Variants in LAMA1 observed in about 807,000 individuals in gnomAD.
The protein encoded by LAMA1 is laminin subunit alpha-1.
Under a neutral mutation model 348.7 loss-of-function variants are expected in LAMA1, and 219 were observed. The observed-to-expected ratio is 0.63, with a 90% CI of 0.56 to 0.70. The LOEUF (loss-of-function observed/expected upper bound fraction) is 0.70, where lower values mean the gene tolerates loss of function less well. LAMA1 is among the 30% of genes least tolerant of loss of function. LAMA1 has a pLI of 0.00. For synonymous variants in LAMA1, 1,487 were observed against 1,491.0 expected, an observed-to-expected ratio of 1.00 and a Z score of 0.06; for missense variants, 3,744 against 3,888.0, an observed-to-expected ratio of 0.96 and a Z score of 0.99.
chr18:7,079,168 T>C (rs1283620700), intron 3 of LAMA1, among the ~76,000 whole-genome samples: 3 of 152,308 alleles, frequency 2.0e-5, no homozygotes, highest in African/African-American at 7.2e-5. Flanking sequence ...TTATGAGTTC[T>C]AACACAAGAG....
intron 23 of LAMA1, among the ~76,000 whole-genome samples, chr18:7,012,566 C>T (rs2057866348): frequency 6.7e-6 from 1 of 149,826 alleles, no homozygotes; most frequent in Admixed American, 6.6e-5. Flanking sequence ...AGTGCAGTGG[C>T]ACAATCTTGG....
chr18:6,978,972 GA>G (rs2057696023), intron 42 of LAMA1, among the ~76,000 whole-genome samples: 1 of 152,178 alleles, frequency 6.6e-6, no homozygotes, highest in Non-Finnish European at 1.5e-5. Context: ...AGTTATTCTA[GA>G]AAATCTGGGT....
chr18:7,016,461 A>G lies in LAMA1; in HGVS notation c.2989+30T>C, dbSNP rs749987844. The G allele has an allele frequency of 4.3e-6, 7 of 1,613,936 alleles. No homozygotes were observed. In the South Asian group the frequency reaches 7.7e-5, roughly 18 times the overall value. On this transcript the variant is annotated intron_variant, in intron 21 of 62. Coordinates refer to ENST00000389658, the MANE Select transcript of LAMA1 (RefSeq NM_005559.4). ...CAAGGAAAGCTCTGGGAATGACTAC[A>G]AAGTCTCAAACAAGGAAATCAAGGC...
Position 6,977,603 on chromosome 18 carries a change from T to C in LAMA1, c.6345+124A>G, listed in dbSNP as rs1039572714. The stretch of plus-strand genomic sequence containing the variant: ...AGGGCTATGAGGAAGCCCAGATTAT[T>C]GGGATCTGGGTCTTTGGAAGCCCTA... On this transcript the variant is annotated intron_variant, in intron 44 of 62. Transcript: ENST00000389658. 1.1e-4 allele frequency: 121 copies of C among 1,063,256 alleles called. 2 individuals carry two copies. The South Asian group carries it at 1.4e-3, about 12-fold the overall frequency. 65.9% of individuals were successfully genotyped at this position (1,063,256 alleles called of 1,614,324 possible).
intron 17 of LAMA1, among the ~76,000 whole-genome samples, chr18:7,025,426 TG>T (rs1397519308): frequency 6.6e-6 from 1 of 152,178 alleles, no homozygotes; most frequent in Non-Finnish European, 1.5e-5. Flanking sequence ...CACCATCTGG[TG>T]GACAGGCCTC....
chr18:6,956,561 C>G (rs1158696908), intron 56 of LAMA1, 75 bp downstream of exon 56: 5 of 1,605,042 alleles, frequency 3.1e-6, no homozygotes, highest in Admixed American at 1.7e-5. Flanking sequence ...CAGCAAGGCC[C>G]CATTTTAACT....
intron 16 of LAMA1, among the ~76,000 whole-genome samples, chr18:7,028,186 C>A (rs1318297064): frequency 6.6e-6 from 1 of 152,156 alleles, no homozygotes; most frequent in Admixed American, 6.5e-5. Context: ...AAGATCCCAG[C>A]CTCTATCATC....
chr18:7,098,553 A>T (rs1347798399), intron 1 of LAMA1, among the ~76,000 whole-genome samples: 1 of 149,252 alleles, frequency 6.7e-6, no homozygotes, highest in African/African-American at 2.5e-5. Context: ...CCCGTCTGGG[A>T]GGTGAGGAGC....
At chr18:7,115,006 AAAG>A (rs1172423322) in intron 1 of LAMA1, among the ~76,000 whole-genome samples, 6 of 152,218 alleles carry the variant, frequency 3.9e-5, no homozygotes, top group Non-Finnish European at 4.4e-5. Context: ...AATGTCTGGA[AAAG>A]AAGAAGGAAA....
chr18:7,038,947 T>C lies in LAMA1; in HGVS notation c.1426A>G (p.Asn476Asp). Residue 476 changes from asparagine to aspartate, a missense_variant, in exon 11 of 63, where the codon AAC becomes GAC. By Grantham distance (23) the Asn-to-Asp change is conservative (BLOSUM62 1). This residue lies in a region of LAMA1 where 1,529 missense variants were observed against 1,689.4 expected (regional missense o/e 0.91). Transcript: ENST00000389658. ...CGATCACAGGCCTTCCCCTCAACGT[T>C]TTCCTGTAAGTTAGGGTAAAAGATT... ...PCTGPCVCKE[N>D]VEGKACDRCK... The C allele has an allele frequency of 6.2e-7, 1 of 1,613,306 alleles. No homozygotes were observed. Among genetic ancestry groups the C allele is most frequent in the Non-Finnish European group, 8.5e-7 (1 of 1,179,290 alleles).
intron 48 of LAMA1, among the ~76,000 whole-genome samples, chr18:6,970,214 C>T (rs1893117203): frequency 6.6e-6 from 1 of 152,124 alleles, no homozygotes. Context: ...GTCATTACCT[C>T]ACGAGGCAAC....
At chr18:7,014,163 C>A (rs1052314756) in intron 22 of LAMA1, 112 bp from the exon 23 acceptor site, 1 of 855,710 alleles carries the variant, frequency 1.2e-6, no homozygotes, top group South Asian at 1.4e-5. Flanking sequence ...ACAAATGAAC[C>A]ATCTCTCTCT....
intron 19 of LAMA1, among the ~76,000 whole-genome samples, chr18:7,021,526 T>C (rs1174742537): frequency 6.6e-6 from 1 of 152,224 alleles, no homozygotes; most frequent in East Asian, 1.9e-4. Context: ...GAGGAAAATG[T>C]AGCATCCTAA....
Position 6,972,162 on chromosome 18 carries a change from T to C in LAMA1, c.6775-181A>G, listed in dbSNP as rs535153515. On this transcript the variant is annotated intron_variant, in intron 47 of 62. Coordinates refer to ENST00000389658, the MANE Select transcript of LAMA1 (RefSeq NM_005559.4). The stretch of plus-strand genomic sequence containing the variant: ...ATTTCCTTTCAGTTATGAAGTGGAA[T>C]CCTAGAATGAGTAACAACTGGGCAG... 19 of 627,450 alleles carry C rather than the reference T, an allele frequency of 3.0e-5. No individual in the cohort carries two copies. In the African/African-American group the frequency reaches 3.3e-4, roughly 11 times the overall value. 38.9% of individuals were successfully genotyped at this position (627,450 alleles called of 1,614,324 possible).
intron 1 of LAMA1, among the ~76,000 whole-genome samples, chr18:7,100,234 T>C (rs2058286332): frequency 6.6e-6 from 1 of 152,150 alleles, no homozygotes; most frequent in Admixed American, 6.6e-5. Flanking sequence ...CAAAGATATA[T>C]GAATGGCTAA....
intron 42 of LAMA1, among the ~76,000 whole-genome samples, chr18:6,978,826 A>C (rs950530377): frequency 2.0e-5 from 3 of 152,134 alleles, no homozygotes; most frequent in Non-Finnish European, 4.4e-5. Flanking sequence ...GATAATAAGG[A>C]TTTGGATCCT....
intron 3 of LAMA1, among the ~76,000 whole-genome samples, chr18:7,055,231 A>T (rs1329313703): frequency 6.6e-6 from 1 of 151,624 alleles, no homozygotes; most frequent in Non-Finnish European, 1.5e-5. Flanking sequence ...CGGGCAGATC[A>T]CTCGAGGTCA....
At chr18:6,974,641 G>GTATTTTGTATTTT (rs2057673337) in intron 46 of LAMA1, among the ~76,000 whole-genome samples, 2 of 151,826 alleles carry the variant, frequency 1.3e-5, no homozygotes, top group Non-Finnish European at 2.9e-5. Context: ...ATTTTTAGTA[G>GTATTTTGTATTTT]AGATGGGGTT....
intron 16 of LAMA1, among the ~76,000 whole-genome samples, chr18:7,030,603 G>GT (rs1249641040): frequency 6.6e-6 from 1 of 152,154 alleles, no homozygotes; most frequent in African/African-American, 2.4e-5. Context: ...CTGTACTTCT[G>GT]TAACTCTTTC....
Sources: gnomAD v4.1 joint callset for allele counts (sites outside exome capture counted in the v4.1 genomes callset) on GRCh38, gnomAD v4.1.1 for gene constraint, gnomAD v4.1.1 regional missense constraint, MANE v1.5 for transcripts, NCBI Gene and HGNC (gene_info 2026-07-23, HGNC 2026-07-21) for gene names.